MAP2: variants seen among roughly 807,000 people sequenced by gnomAD.
MAP2 encodes microtubule associated protein 2, also known as microtubule-associated protein 2.
A neutral mutation model predicts 137.6 loss-of-function variants in MAP2; 14 were observed. That is an observed-to-expected ratio of 0.10 (90% CI 0.07 to 0.16). The LOEUF (loss-of-function observed/expected upper bound fraction) is 0.16. Ranked by LOEUF, MAP2 falls within the 10% of genes least tolerant of loss-of-function variation. MAP2 has a pLI of 1.00. For synonymous variants in MAP2, 786 were observed against 782.3 expected, an observed-to-expected ratio of 1.00 and a Z score of -0.08; for missense variants, 2,088 against 2,191.5, an observed-to-expected ratio of 0.95 and a Z score of 0.94.
chr2:209,615,874 T>C (rs1054585000), intron 3 of MAP2, among the ~76,000 whole-genome samples: 5 of 152,188 alleles, frequency 3.3e-5, no homozygotes, highest in Non-Finnish European at 5.9e-5. Context: ...TGCCCTCCTT[T>C]GAGTGGTATC....
chr2:209,621,852 T>C (rs2091287259), intron 3 of MAP2, among the ~76,000 whole-genome samples: 1 of 152,182 alleles, frequency 6.6e-6, no homozygotes, highest in African/African-American at 2.4e-5. Flanking sequence ...CAGCCAAACA[T>C]ATATGCAGCC....
intron 1 of MAP2, among the ~76,000 whole-genome samples, chr2:209,476,968 T>C (rs1559211714): frequency 6.6e-6 from 1 of 152,196 alleles, no homozygotes; most frequent in Non-Finnish European, 1.5e-5. Context: ...AAAGATTGGC[T>C]GAGCTATTTT....
At position 209,691,147 on chromosome 2, in the gene MAP2, C is replaced by A. The variant is rs561592616; in HGVS notation, c.455-1478C>A. 1.5e-3 allele frequency among the ~76,000 whole-genome samples: 225 copies of A among 151,642 alleles called. 1 individual carries two copies. The highest frequency in any genetic ancestry group is 2.4e-3 in the Non-Finnish European group (161 of 67,932). ...TTATTTTATTTTTTTACCCGCCCCC[C>A]CTCATCTCAAATGTTTGCCAGTCAC... On this transcript the variant is annotated intron_variant, in intron 7 of 15. Transcript: ENST00000682079.
intron 2 of MAP2, among the ~76,000 whole-genome samples, chr2:209,522,811 AAACTGTTAC>A (rs755924971): frequency 1.2e-3 from 188 of 152,162 alleles, no homozygotes; most frequent in Non-Finnish European, 1.0e-3. Context: ...GGTTGCATTC[AAACTGTTAC>A]AACTTACATA....
At chr2:209,656,314 G>A (rs1226985969) in intron 5 of MAP2, among the ~76,000 whole-genome samples, 2 of 151,848 alleles carry the variant, frequency 1.3e-5, no homozygotes, top group Non-Finnish European at 2.9e-5. Context: ...CCAGGAATTC[G>A]AGACCAGTCT....
At position 209,566,474 on chromosome 2, in the gene MAP2, T is replaced by G. The variant is rs145092430; in HGVS notation, c.-171-13562T>G. On this transcript the variant is annotated intron_variant, in intron 2 of 15. Coordinates refer to ENST00000682079, the MANE Select transcript of MAP2 (RefSeq NM_001375505.1). ...CCTCAGCCTGCTTCACCTGTCAGAC[T>G]GGCTCAGTGGTTTAAAAATGAAACT... is the stretch of plus-strand genomic sequence containing the variant. 5.1e-3 allele frequency among the ~76,000 whole-genome samples: 782 copies of G among 152,330 alleles called. 4 individuals carry two copies. The highest frequency in any genetic ancestry group is 6.7e-3 in the Non-Finnish European group (456 of 68,016).
chr2:209,497,537 A>C (rs1237433239), intron 1 of MAP2, among the ~76,000 whole-genome samples: 1 of 152,172 alleles, frequency 6.6e-6, no homozygotes, highest in Non-Finnish European at 1.5e-5. Context: ...AATACATAGG[A>C]CTGGAATTTA....
chr2:209,503,194 T>C (rs1234408903), intron 1 of MAP2, among the ~76,000 whole-genome samples: 1 of 151,896 alleles, frequency 6.6e-6, no homozygotes, highest in African/African-American at 2.4e-5. Flanking sequence ...AAAGTTCGGG[T>C]TTCTCCATGT....
intron 1 of MAP2, among the ~76,000 whole-genome samples, chr2:209,430,736 G>C (rs1694025726): frequency 6.6e-6 from 1 of 152,158 alleles, no homozygotes; most frequent in Non-Finnish European, 1.5e-5. Context: ...AAGTTCAGGT[G>C]ACACTGCTTT....
At chr2:209,662,516 T>G (rs951861461) in intron 5 of MAP2, among the ~76,000 whole-genome samples, 1 of 152,194 alleles carries the variant, frequency 6.6e-6, no homozygotes, top group African/African-American at 2.4e-5. Flanking sequence ...TCATTGTAAT[T>G]TTTACTTGAC....
intron 2 of MAP2, among the ~76,000 whole-genome samples, chr2:209,559,293 A>G (rs1304622924): frequency 6.6e-6 from 1 of 151,728 alleles, no homozygotes; most frequent in African/African-American, 2.4e-5. Context: ...TAAATGTCTT[A>G]TAATCTAATA....
At chr2:209,467,867 T>C (rs1412116556) in intron 1 of MAP2, among the ~76,000 whole-genome samples, 1 of 152,196 alleles carries the variant, frequency 6.6e-6, no homozygotes, top group Non-Finnish European at 1.5e-5. Flanking sequence ...ATGGTACCTG[T>C]CTCATAGGTT....
At chr2:209,713,449 C>A (rs2066231711) in intron 13 of MAP2, among the ~76,000 whole-genome samples, 1 of 152,098 alleles carries the variant, frequency 6.6e-6, no homozygotes, top group Admixed American at 6.6e-5. Context: ...ATACAAGGAG[C>A]TTTACAGAAG....
chr2:209,694,433 A>G lies in MAP2; in HGVS notation c.2263A>G (p.Lys755Glu). ...YLPATTPALE[K>E]APCFPVESKE... ...TCCAGCCACCACACCTGCACTGGAG[A>G]AAGCCCCTTGCTTCCCTGTAGAAAG... is the stretch of plus-strand genomic sequence containing the variant. Residue 755 changes from lysine to glutamate, a missense_variant, in exon 8 of 16, where the codon AAA becomes GAA. Lys to Glu is a moderately conservative substitution (Grantham distance 56, BLOSUM62 1). Coordinates refer to ENST00000682079, the MANE Select transcript of MAP2 (RefSeq NM_001375505.1). 1 of 1,614,122 alleles carries G rather than the reference A, an allele frequency of 6.2e-7. No homozygotes were observed.
intron 2 of MAP2, among the ~76,000 whole-genome samples, chr2:209,543,968 G>T (rs1300445641): frequency 6.6e-6 from 1 of 152,138 alleles, no homozygotes; most frequent in South Asian, 2.1e-4. Flanking sequence ...GGTGGCTCAC[G>T]CCTGTAATCC....
intron 1 of MAP2, among the ~76,000 whole-genome samples, chr2:209,439,698 A>G (rs1019159796): frequency 6.6e-6 from 1 of 151,556 alleles, no homozygotes; most frequent in East Asian, 1.9e-4. Context: ...TAAGAGATGC[A>G]TATCACTTAT....
chr2:209,595,911 C>T (rs995744246), intron 3 of MAP2, among the ~76,000 whole-genome samples: 3 of 152,170 alleles, frequency 2.0e-5, no homozygotes, highest in Middle Eastern at 3.4e-3. Flanking sequence ...ACAATGAGAA[C>T]ACTTGGACAC....
intron 2 of MAP2, among the ~76,000 whole-genome samples, chr2:209,514,912 T>A (rs1475996971): frequency 6.6e-6 from 1 of 152,142 alleles, no homozygotes; most frequent in African/African-American, 2.4e-5. Flanking sequence ...ATTTTGCCAA[T>A]GCACAATACA....
At chr2:209,644,825 T>C (rs917270225) in intron 4 of MAP2, among the ~76,000 whole-genome samples, 3 of 152,166 alleles carry the variant, frequency 2.0e-5, no homozygotes, top group Non-Finnish European at 2.9e-5. Context: ...TATGGAAAAC[T>C]TCAAAATTTT....
Sources: gnomAD v4.1 joint callset for allele counts (sites outside exome capture counted in the v4.1 genomes callset) on GRCh38, gnomAD v4.1.1 for gene constraint, MANE v1.5 for transcripts, NCBI Gene and HGNC (gene_info 2026-07-23, HGNC 2026-07-21) for gene names.